ACP6: variants seen among roughly 807,000 people sequenced by gnomAD.
ACP6 encodes the protein lysophosphatidic acid phosphatase type 6.
ACP6 carries 48 observed loss-of-function variants against 48.1 expected under a neutral mutation model. That is an observed-to-expected ratio of 1.00 (90% confidence interval 0.79 to 1.27). The LOEUF is 1.27. ACP6 is among the 50% of genes most tolerant of loss of function. The pLI, the probability that ACP6 is intolerant of heterozygous loss-of-function variation, is 0.00. For missense variants in ACP6, 485 were observed against 529.1 expected (o/e 0.92, Z 0.82); for synonymous variants, 172 against 204.2 (o/e 0.84, Z 1.34).
At chr1:147,667,259 C>A (rs1263466666) in intron 1 of ACP6, among the ~76,000 whole-genome samples, 2 of 152,086 alleles carry the variant, frequency 1.3e-5, no homozygotes, top group Non-Finnish European at 2.9e-5. Flanking sequence ...GCTCTATCAC[C>A]CAGGGTAGAG....
At chr1:147,636,835 T>C (rs1043125317) in intron 5 of ACP6, among the ~76,000 whole-genome samples, 2 of 152,324 alleles carry the variant, frequency 1.3e-5, no homozygotes, top group Middle Eastern at 3.4e-3. Context: ...CAGAAAATCA[T>C]GATTCTTCTT....
At chr1:147,642,021 C>T (rs782376288), downstream of ACP6, among the ~76,000 whole-genome samples, 8 of 152,324 alleles carry the variant, frequency 5.3e-5, no homozygotes, top group Admixed American at 5.2e-4. Flanking sequence ...ATTCTCACAA[C>T]AACCCTAATT....
chr1:147,630,745 T>C (rs1553207253), exon 6 of ACP6: 3 of 152,224 alleles, frequency 2.0e-5, no homozygotes, highest in Non-Finnish European at 4.4e-5. Flanking sequence ...TCAGTCAAAA[T>C]GTATTTGATT....
At position 147,670,335 on chromosome 1, in the gene ACP6, C is replaced by T. The variant is rs13374159; in HGVS notation, c.-287G>A. Reference sequence around the variant, plus strand: ...ACACCGGGCCGGGGGAGATCGGATCCTTATCTTTTGCCCGACGAGGAACAT... The same window carrying T: ...ACACCGGGCCGGGGGAGATCGGATCTTTATCTTTTGCCCGACGAGGAACAT... On this transcript the variant is annotated 5_prime_UTR_variant, in exon 1 of 10. Coordinates refer to ENST00000583509, the MANE Select transcript of ACP6 (RefSeq NM_016361.5). 0.037 allele frequency: 12,578 copies of T among 338,342 alleles called. 1,018 individuals are homozygous for T. The highest frequency in any genetic ancestry group is 0.2 in the African/African-American group (9,690 of 47,648). The allele number at this position is 338,342 out of a possible 1,614,324, so 21.0% of individuals were successfully genotyped here. A position where few individuals can be genotyped will look rare whatever the true frequency, so the allele number is the denominator to read the frequency against.
intron 5 of ACP6, among the ~76,000 whole-genome samples, chr1:147,635,842 CTG>C (rs1188035812): frequency 6.6e-6 from 1 of 152,224 alleles, no homozygotes; most frequent in East Asian, 1.9e-4. Context: ...GCAAAAGAAA[CTG>C]AAATTCACAG....
At chr1:147,654,350 C>G (rs1553211204) in intron 5 of ACP6, 24 bp from the exon 6 acceptor site, 1 of 1,611,908 alleles carries the variant, frequency 6.2e-7, no homozygotes, top group Admixed American at 1.7e-5. Context: ...AAAAGTAAAG[C>G]CTTATATTCT....
At chr1:147,665,257 A>C (rs1006688364) in intron 1 of ACP6, among the ~76,000 whole-genome samples, 3 of 152,250 alleles carry the variant, frequency 2.0e-5, no homozygotes, top group Non-Finnish European at 4.4e-5. Flanking sequence ...GACTAGATGC[A>C]GAAAAGCCCA....
intron 1 of ACP6, among the ~76,000 whole-genome samples, chr1:147,664,455 T>C (rs946906): frequency 0.16 from 25,032 of 152,172 alleles, 2,378 homozygotes; most frequent in East Asian, 0.34. Context: ...CCTTAAGACT[T>C]AGCTTAAGTG....
At position 147,670,027 on chromosome 1, in the gene ACP6, T is replaced by G. The variant is rs1462870297; in HGVS notation, c.22A>C (p.Met8Leu). The stretch of plus-strand genomic sequence containing the variant: ...ACGCCCACTGGGGTCCACAAGCGCA[T>G]GCTGAACACACCAGTGATCATGGTG... Reference protein sequence around the residue: MITGVFSMRLWTPVGVLT... With the variant: MITGVFSLRLWTPVGVLT... The change falls in exon 1 of 10, where the codon ATG becomes CTG. Residue 8 changes from methionine to leucine, a missense_variant. Transcript: ENST00000583509. 1 of 1,539,752 alleles carries G rather than the reference T, an allele frequency of 6.5e-7. No homozygotes were observed. The highest frequency in any genetic ancestry group is 8.8e-7 in the Non-Finnish European group (1 of 1,140,754).
Position 147,652,475 on chromosome 1 carries a change from G to C in ACP6, c.855C>G (p.Ser285=), listed in dbSNP as rs782625094. 42 of 1,613,852 alleles carry C rather than the reference G, an allele frequency of 2.6e-5. No homozygotes were observed. Among genetic ancestry groups the C allele is most frequent in the Admixed American group, 1.2e-4 (7 of 59,970 alleles). ...TGTCTTCCTTGGGCAGTATGTACAA[G>C]GATGTGTCCACAGCTCTCTGTTCGA... ...RMIEQRAVDT[S]LYILPKEDRE... The change falls in exon 7 of 10, where the codon TCC becomes TCG. Residue 285 remains serine, a synonymous_variant. Transcript: ENST00000583509.
Position 147,635,454 on chromosome 1 carries a change from G to A in ACP6, c.461-4389C>T, listed in dbSNP as rs1349817605. ...TATTAAATCTTCTCCCCCAGACGCT[G>A]AGCCTATCTTTTACTTCTTCATTAC... On this transcript the variant is annotated intron_variant, in intron 5 of 5. Transcript: ENST00000609196. Among the ~76,000 whole-genome samples the A allele has an allele frequency of 8.5e-5, 13 of 152,216 alleles. 1 individual carries two copies. Among genetic ancestry groups the A allele is most frequent in the Admixed American group, 8.5e-4 (13 of 15,282 alleles).
intron 1 of ACP6, among the ~76,000 whole-genome samples, chr1:147,666,823 C>T (rs1416337830): frequency 6.6e-6 from 1 of 152,194 alleles, no homozygotes; most frequent in African/African-American, 2.4e-5. Context: ...TCATGTAATG[C>T]TTCTTGAATA....
downstream of ACP6, among the ~76,000 whole-genome samples, chr1:147,639,544 A>G (rs1177531351): frequency 1.3e-5 from 2 of 152,006 alleles, no homozygotes; most frequent in Non-Finnish European, 2.9e-5. Context: ...TACACACTCA[A>G]TCAGTTCCTC....
chr1:147,650,363 G>C, intron 7 of ACP6, 125 bp from the exon 8 acceptor site: 1 of 619,234 alleles, frequency 1.6e-6, no homozygotes, highest in Non-Finnish European at 2.7e-6. Flanking sequence ...TAATGCATAA[G>C]GGCCAGCAAC....
At chr1:147,665,577 C>T (rs782713747) in intron 1 of ACP6, among the ~76,000 whole-genome samples, 1 of 152,164 alleles carries the variant, frequency 6.6e-6, no homozygotes, top group Non-Finnish European at 1.5e-5. Context: ...CAGCATATTG[C>T]CTTAATTGAT....
intron 9 of ACP6, 47 bp downstream of exon 9, chr1:147,648,199 G>C (rs373845128): frequency 6.9e-6 from 11 of 1,604,996 alleles, no homozygotes; most frequent in Middle Eastern, 3.5e-4. Flanking sequence ...GGTGGGTTTT[G>C]CAGGAGGGTG....
intron 5 of ACP6, among the ~76,000 whole-genome samples, chr1:147,632,098 AT>A (rs1454219444): frequency 1.3e-5 from 2 of 151,332 alleles, no homozygotes; most frequent in Non-Finnish European, 2.9e-5. Flanking sequence ...GGCTTTCCCA[AT>A]GGCTGGCTTC....
intron 5 of ACP6, among the ~76,000 whole-genome samples, chr1:147,654,920 C>T (rs1381436037): frequency 2.0e-5 from 3 of 152,210 alleles, no homozygotes; most frequent in Non-Finnish European, 2.9e-5. Flanking sequence ...TGTATCATCT[C>T]GCTAGCCCAG....
intron 1 of ACP6, among the ~76,000 whole-genome samples, chr1:147,664,886 G>A (rs782575613): frequency 1.6e-4 from 25 of 152,298 alleles, no homozygotes; most frequent in South Asian, 4.1e-4. Context: ...AAGTTTCATT[G>A]AGGGAATAGC....
Sources: gnomAD v4.1 joint callset for allele counts (sites outside exome capture counted in the v4.1 genomes callset) on GRCh38, gnomAD v4.1.1 for gene constraint, MANE v1.5 for transcripts, NCBI Gene and HGNC (gene_info 2026-07-23, HGNC 2026-07-21) for gene names.